The following CATSPERB variants were observed in gnomAD, a reference collection of about 807,000 sequenced individuals.
CATSPERB encodes the protein cation channel sperm-associated auxiliary subunit beta.
CATSPERB carries 93 observed loss-of-function variants against 128.3 expected under a neutral mutation model. That is an observed-to-expected ratio of 0.72 (90% CI 0.61 to 0.86). The LOEUF is 0.86. Ranked by LOEUF, CATSPERB falls within the 40% of genes least tolerant of loss-of-function variation. The pLI, the probability that CATSPERB is intolerant of heterozygous loss-of-function variation, is 0.00. For synonymous variants in CATSPERB, 381 were observed against 448.8 expected (o/e 0.85, Z 1.91); for missense variants, 1,153 against 1,329.5 (o/e 0.87, Z 2.06).
rs138430449 is a variant in CATSPERB at position 91,652,439 on chromosome 14, A to G, written c.1432+7398T>C. 8.9e-3 allele frequency among the ~76,000 whole-genome samples: 1,349 copies of G among 151,316 alleles called. 16 individuals carry two copies. The highest frequency in any genetic ancestry group is 0.045 in the Middle Eastern group (13 of 290). ...TTTGGGAGGCCTACATGGGCAGATC[A>G]TTTGAGGTCAGGAGTTTGAGACCAG... On this transcript the variant is annotated intron_variant, in intron 15 of 26. Transcript: ENST00000256343.
At chr14:91,661,524 C>CTCAT (rs1894882894) in intron 14 of CATSPERB, among the ~76,000 whole-genome samples, 1 of 127,062 alleles carries the variant, frequency 7.9e-6, no homozygotes, top group Non-Finnish European at 1.6e-5. Context: ...CAGATGCTAT[C>CTCAT]ATATATATAT....
intron 1 of CATSPERB, among the ~76,000 whole-genome samples, chr14:91,731,210 T>C (rs745671497): frequency 6.6e-6 from 1 of 152,224 alleles, no homozygotes; most frequent in Non-Finnish European, 1.5e-5. Flanking sequence ...ATTCTGGTTT[T>C]AATGTCAGCA....
intron 2 of CATSPERB, among the ~76,000 whole-genome samples, chr14:91,728,347 T>C (rs1896154481): frequency 6.6e-6 from 1 of 152,174 alleles, no homozygotes; most frequent in East Asian, 1.9e-4. Context: ...ACTCCTGGGC[T>C]CAAGGTATCC....
intron 15 of CATSPERB, among the ~76,000 whole-genome samples, chr14:91,659,576 T>C (rs2756167): frequency 0.19 from 29,529 of 152,208 alleles, 3,076 homozygotes; most frequent in African/African-American, 0.25. Flanking sequence ...CAATTGTAGC[T>C]TGACAAGTGG....
chr14:91,723,216 C>T (rs756696637), intron 3 of CATSPERB, 27 bp from the exon 4 acceptor site: 16 of 1,111,480 alleles, frequency 1.4e-5, no homozygotes, highest in Non-Finnish European at 1.9e-5. Context: ...AAAAAAAAAA[C>T]AACTAATAAC....
At chr14:91,670,657 G>A (rs1313337329) in intron 13 of CATSPERB, among the ~76,000 whole-genome samples, 2 of 151,706 alleles carry the variant, frequency 1.3e-5, no homozygotes, top group Non-Finnish European at 2.9e-5. Context: ...TCCAGCCTGA[G>A]TGAGAGTGAG....
At chr14:91,605,039 T>C in intron 22 of CATSPERB, 1 of 1,193,230 alleles carries the variant, frequency 8.4e-7, no homozygotes, top group East Asian at 2.3e-5. Flanking sequence ...CTTCTGTTTC[T>C]TGAATGGGAC....
chr14:91,584,134 T>C (rs930478256), intron 26 of CATSPERB, among the ~76,000 whole-genome samples: 1 of 152,104 alleles, frequency 6.6e-6, no homozygotes, highest in Non-Finnish European at 1.5e-5. Context: ...AGTGGTGCGA[T>C]CTTGGCTCAC....
rs114699703 is a variant in CATSPERB, at chr14:91,599,611, C to T, written c.2710-7609G>A. On this transcript the variant is annotated intron_variant, in intron 22 of 26. Coordinates refer to ENST00000256343, the MANE Select transcript of CATSPERB (RefSeq NM_024764.4). Reference sequence around the variant, plus strand: ...GTTGAGGATGCACCCGTGACACAGCCGCAGGAAGTCCTGACAACATCTGCC... The same window carrying T: ...GTTGAGGATGCACCCGTGACACAGCTGCAGGAAGTCCTGACAACATCTGCC... Among the ~76,000 whole-genome samples the T allele has an allele frequency of 2.4e-3, 362 of 151,734 alleles. 2 individuals carry two copies. The highest frequency in any genetic ancestry group is 8.4e-3 in the African/African-American group (348 of 41,352).
At chr14:91,629,139 A>G (rs1894223632) in intron 17 of CATSPERB, among the ~76,000 whole-genome samples, 1 of 152,246 alleles carries the variant, frequency 6.6e-6, no homozygotes, top group Non-Finnish European at 1.5e-5. Flanking sequence ...AGGTAAATGA[A>G]TAAATAAACT....
intron 11 of CATSPERB, among the ~76,000 whole-genome samples, chr14:91,681,363 T>C (rs1895277130): frequency 6.6e-6 from 1 of 152,188 alleles, no homozygotes; most frequent in South Asian, 2.1e-4. Flanking sequence ...GATTGTCATC[T>C]GAAAGACCAC....
At chr14:91,592,383 C>T (rs1893424660) in intron 22 of CATSPERB, 2 of 260,076 alleles carry the variant, frequency 7.7e-6, no homozygotes, top group Non-Finnish European at 1.5e-5. Context: ...TGGGGCTGCA[C>T]ACTCTCCAAA....
intron 24 of CATSPERB, 107 bp from the exon 25 acceptor site, chr14:91,588,185 C>T (rs190677381): frequency 5.5e-4 from 369 of 676,678 alleles, no homozygotes; most frequent in Non-Finnish European, 8.1e-4. Flanking sequence ...TTTACTATTA[C>T]TATTTCATTT....
chr14:91,581,167 A>G, intron 26 of CATSPERB, 60 bp from the exon 27 acceptor site: 1 of 1,337,238 alleles, frequency 7.5e-7, no homozygotes, highest in Non-Finnish European at 1.0e-6. Context: ...AAACACTGAA[A>G]ATTTAATGTT....
At chr14:91,589,367 G>A (rs577343774) in intron 24 of CATSPERB, among the ~76,000 whole-genome samples, 167 bp downstream of exon 24, 82 of 152,334 alleles carry the variant, frequency 5.4e-4, no homozygotes, top group African/African-American at 1.9e-3. Context: ...GATGAAATAA[G>A]TAGGAAACAA....
intron 16 of CATSPERB, among the ~76,000 whole-genome samples, chr14:91,637,613 G>A (rs1894399381): frequency 6.6e-6 from 1 of 152,100 alleles, no homozygotes; most frequent in South Asian, 2.1e-4. Context: ...TCTGTGCCTC[G>A]CTTTCTTCAT....
intron 13 of CATSPERB, among the ~76,000 whole-genome samples, chr14:91,670,514 T>TA (rs544487016): frequency 1.0e-3 from 152 of 146,172 alleles, no homozygotes; most frequent in African/African-American, 2.2e-3. Flanking sequence ...CCAGTTGCAT[T>TA]AAAAAAAAAA....
At chr14:91,713,547 C>T (rs1015016371) in intron 5 of CATSPERB, among the ~76,000 whole-genome samples, 2 of 152,118 alleles carry the variant, frequency 1.3e-5, no homozygotes, top group Admixed American at 1.3e-4. Context: ...CAAACAACTC[C>T]GTGTCCGTAG....
chr14:91,653,486 A>G (rs552702463), intron 15 of CATSPERB, among the ~76,000 whole-genome samples: 61 of 152,226 alleles, frequency 4.0e-4, no homozygotes, highest in Non-Finnish European at 7.9e-4. Context: ...GAGACTGGGC[A>G]ATTTACAAAA....
Sources: allele counts gnomAD v4.1 joint callset (sites outside exome capture counted in the v4.1 genomes callset), GRCh38; gene constraint gnomAD v4.1.1; transcripts MANE v1.5; gene names NCBI Gene and HGNC (gene_info 2026-07-23, HGNC 2026-07-21).